Variants in IRX6 observed in about 807,000 individuals in gnomAD.
IRX6 encodes iroquois-class homeodomain protein IRX-6.
A neutral mutation model predicts 47.7 loss-of-function variants in IRX6; 46 were observed. That is an observed-to-expected ratio of 0.96 (90% CI 0.76 to 1.23). The LOEUF is 1.23. Ranked by LOEUF, IRX6 falls within the 50% of genes most tolerant of loss-of-function variation. The probability of loss-of-function intolerance (pLI) is 0.00; values close to 1 mark genes in which losing one functional copy is unlikely to be tolerated. For synonymous variants in IRX6, 265 were observed against 246.2 expected, an observed-to-expected ratio of 1.08 and a Z score of -0.72; for missense variants, 722 against 588.0, an observed-to-expected ratio of 1.23 and a Z score of -2.36.
rs760302933 is a variant in IRX6 at position 55,326,554 on chromosome 16, G to C, written c.264G>C (p.Leu88=). Residue 88 remains leucine (L), a synonymous_variant, in exon 2 of 6, where the codon CTG becomes CTC. Coordinates refer to ENST00000290552, the MANE Select transcript of IRX6 (RefSeq NM_024335.3). The stretch of plus-strand genomic sequence containing the variant: ...CTGCCCAGAGCTACCCTGGCTACCT[G>C]CCCTATAGCCCAGAGCCCCCCTCAC... ...AAAAQSYPGY[L]PYSPEPPSLY... 4 of 1,575,816 alleles carry C rather than the reference G, an allele frequency of 2.5e-6. No homozygotes were observed. The African/African-American group carries it at 5.4e-5, about 21-fold the overall frequency.
At chr16:55,329,345 T>A in intron 5 of IRX6, 34 bp downstream of exon 5, 1 of 1,560,778 alleles carries the variant, frequency 6.4e-7, no homozygotes, top group Non-Finnish European at 8.7e-7. Context: ...GGAGTATCTA[T>A]GCAAAAGACA....
chr16:55,327,943 G>A, intron 4 of IRX6, 50 bp downstream of exon 4: 3 of 1,534,600 alleles, frequency 2.0e-6, no homozygotes, highest in Middle Eastern at 2.4e-4. Flanking sequence ...AAGTCATCAA[G>A]CAGTTTGGTC....
In IRX6 at chr16:55,328,809, A is replaced by T; in HGVS notation, c.831A>T (p.Thr277=). The T allele has an allele frequency of 6.2e-7, 1 of 1,613,216 alleles. No individual in the cohort carries two copies. Among genetic ancestry groups the T allele is most frequent in the Non-Finnish European group, 8.5e-7 (1 of 1,180,010 alleles). ...EEAEDEEVVA[T]AGDRLTEFRK... is the part of the protein sequence containing the mutation. ...CTGAAGACGAGGAGGTAGTGGCCAC[A>T]GCTGGGGACAGGCTGACGGAGTTCC... Residue 277 remains threonine (T), a synonymous_variant, in exon 5 of 6, where the codon ACA becomes ACT. Transcript: ENST00000290552.
Position 55,325,559 on chromosome 16 carries a change from GAGAA to G in IRX6, c.45+431_45+434del, listed in dbSNP as rs1567338603. Among the ~76,000 whole-genome samples the G allele has an allele frequency of 4.0e-4, 37 of 92,004 alleles. 7 individuals carry two copies. Among genetic ancestry groups the G allele is most frequent in the African/African-American group, 1.4e-3 (30 of 21,836 alleles). The allele number at this position is 92,004 out of a possible 152,430, so 60.4% of individuals were successfully genotyped here. A position where few individuals can be genotyped will look rare whatever the true frequency, so the allele number is the denominator to read the frequency against. On this transcript the variant is annotated intron_variant, in intron 1 of 5. Coordinates refer to ENST00000290552, the MANE Select transcript of IRX6 (RefSeq NM_024335.3). The stretch of plus-strand genomic sequence containing the variant: ...AGAGAGAGAGAGAGAGAGAGAGAGA[GAGAA>G]AGAAAGAGAAAGAAAGAAAGAAGGA...
rs1285968441 is a variant in IRX6 at position 55,326,406 on chromosome 16, C to G, written c.116C>G (p.Ser39Ter). 6.2e-7 allele frequency: 1 copy of G among 1,614,052 alleles called. No individual in the cohort carries two copies. The highest frequency in any genetic ancestry group is 1.7e-5 in the Admixed American group (1 of 60,024). The change falls in exon 2 of 6, where the codon TCA (serine) becomes TGA (stop). Residue 39 changes from serine to a stop codon, truncating the protein, a stop_gained. Transcript: ENST00000290552. LOFTEE classifies it high-confidence loss of function. Reference protein sequence around the residue: ...STQRSVSDVASGSTPAPALCC... With the variant: ...STQRSVSDVA Reference sequence around the variant, plus strand: ...CAACGCTCTGTCTCAGATGTGGCATCAGGCTCCACCCCAGCGCCCGCTCTC... The same window carrying G: ...CAACGCTCTGTCTCAGATGTGGCATGAGGCTCCACCCCAGCGCCCGCTCTC...
chr16:55,330,534 A>T lies in IRX6; in HGVS notation c.*229A>T. The T allele has an allele frequency of 1.7e-6, 1 of 581,280 alleles. No homozygotes were observed. The highest frequency in any genetic ancestry group is 2.1e-5 in the South Asian group (1 of 48,664). The allele number at this position is 581,280 out of a possible 1,614,324, so 36.0% of individuals were successfully genotyped here. A position where few individuals can be genotyped will look rare whatever the true frequency, so the allele number is the denominator to read the frequency against. ...GGGAGATGGCAGGGCACCTTGGGGA[A>T]GGCCAAGTGGGAGGCTGGGAGGCTG... On this transcript the variant is annotated 3_prime_UTR_variant, in exon 6 of 6. Transcript: ENST00000290552.
chr16:55,328,860 G>A lies in IRX6; in HGVS notation c.882G>A (p.Gly294=), dbSNP rs1364534419. 7 of 1,612,902 alleles carry A rather than the reference G, an allele frequency of 4.3e-6. No homozygotes were observed. The highest frequency in any genetic ancestry group is 1.6e-4 in the Middle Eastern group (1 of 6,062). The part of the protein sequence containing the change: ...EFRKGAQSLP[G]PCAAAREGRL... ...GAAAGGGCGCGCAGTCACTGCCTGG[G>A]CCGTGCGCTGCAGCTCGAGAGGGCC... The change falls in exon 5 of 6, where the codon GGG becomes GGA. Residue 294 remains glycine (G), a synonymous_variant. Coordinates refer to ENST00000290552, the MANE Select transcript of IRX6 (RefSeq NM_024335.3).
Position 55,324,968 on chromosome 16 carries a change from G to A in IRX6, c.-124G>A. 4 of 1,039,784 alleles carry A rather than the reference G, an allele frequency of 3.8e-6. No homozygotes were observed. Among genetic ancestry groups the A allele is most frequent in the Non-Finnish European group, 5.8e-6 (4 of 684,330 alleles). The allele number at this position is 1,039,784 out of a possible 1,614,324, so 64.4% of individuals were successfully genotyped here. A position where few individuals can be genotyped will look rare whatever the true frequency, so the allele number is the denominator to read the frequency against. On this transcript the variant is annotated 5_prime_UTR_variant, in exon 1 of 6. Transcript: ENST00000290552. This position sits in a 1 kb window ranked among gnomAD's most constrained non-coding sequence, Gnocchi z 4.4. ...CTCCACTGGGGCCAACCAGGCGAAG[G>A]AACCGGCGCTGGGCATCCGCAGCGG...
Position 55,329,184 on chromosome 16 carries a change from G to C in IRX6, c.1206G>C (p.Glu402Asp). ...LSVPRDSACD[E>D]SSCIPKAFGN... is the part of the protein sequence containing the mutation. ...TCCCCAGAGACTCCGCGTGCGACGA[G>C]TCTTCCTGCATACCCAAAGCCTTTG... Residue 402 changes from glutamate (E) to aspartate (D), a missense_variant, in exon 5 of 6, where the codon GAG becomes GAC. Transcript: ENST00000290552. The C allele has an allele frequency of 6.2e-7, 1 of 1,614,162 alleles. No individual in the cohort carries two copies. Among genetic ancestry groups the C allele is most frequent in the Non-Finnish European group, 8.5e-7 (1 of 1,180,042 alleles).
chr16:55,329,690 G>A (rs1451438914), intron 5 of IRX6, among the ~76,000 whole-genome samples: 2 of 61,790 alleles, frequency 3.2e-5, no homozygotes, highest in Non-Finnish European at 7.1e-5. Context: ...GAGGAGACTC[G>A]CTGGTCCCTG....
In IRX6 at chr16:55,327,761, T is replaced by G; in HGVS notation, c.589T>G (p.Phe197Val). 6.2e-7 allele frequency: 1 copy of G among 1,612,400 alleles called. No homozygotes were observed. The highest frequency in any genetic ancestry group is 8.5e-7 in the Non-Finnish European group (1 of 1,179,908). Residue 197 changes from phenylalanine (F) to valine (V), a missense_variant, in exon 4 of 6, where the codon TTC becomes GTC. Physicochemically the swap from Phe to Val is conservative, Grantham distance 50. Coordinates refer to ENST00000290552, the MANE Select transcript of IRX6 (RefSeq NM_024335.3). ...GACCCTCACCCAGGTGTCCACCTGG[T>G]TCGCCAACGCACGCCGGCGCCTCAA... ...KMTLTQVSTW[F>V]ANARRRLKKE...
At position 55,330,493 on chromosome 16, in the gene IRX6, C is replaced by T. The variant is rs1250799498; in HGVS notation, c.*188C>T. 2 of 631,984 alleles carry T rather than the reference C, an allele frequency of 3.2e-6. No homozygotes were observed. Among genetic ancestry groups the T allele is most frequent in the African/African-American group, 3.7e-5 (2 of 54,596 alleles). The allele number at this position is 631,984 out of a possible 1,614,324, so 39.1% of individuals were successfully genotyped here. Reference sequence around the variant, plus strand: ...AGCTGGGGTGGTGGGCCGACTTGAACCTTAGCAGTCCCCACGGGAGATGGC... The same window carrying T: ...AGCTGGGGTGGTGGGCCGACTTGAATCTTAGCAGTCCCCACGGGAGATGGC... On this transcript the variant is annotated 3_prime_UTR_variant, in exon 6 of 6. Coordinates refer to ENST00000290552, the MANE Select transcript of IRX6 (RefSeq NM_024335.3).
chr16:55,327,450 TC>T, intron 3 of IRX6, 45 bp downstream of exon 3: 1 of 1,571,888 alleles, frequency 6.4e-7, no homozygotes, highest in Non-Finnish European at 8.8e-7. Context: ...GAGTCTTTCC[TC>T]CCCCACTGCC....
In IRX6 at chr16:55,329,776, C is replaced by T. The variant is rs574137839; in HGVS notation, c.1333+465C>T. Reference sequence around the variant, plus strand: ...GAGAAGTCTAAGACTGTGGGCCAGACGCACACCACAGATTTAAGGTCAGTG... The same window carrying T: ...GAGAAGTCTAAGACTGTGGGCCAGATGCACACCACAGATTTAAGGTCAGTG... On this transcript the variant is annotated intron_variant, in intron 5 of 5. Transcript: ENST00000290552. 1.1e-4 allele frequency among the ~76,000 whole-genome samples: 16 copies of T among 152,340 alleles called. No homozygotes were observed. The East Asian group carries it at 2.5e-3, about 24-fold the overall frequency.
At position 55,327,459 on chromosome 16, in the gene IRX6, G is replaced by A. The variant is rs1960552124; in HGVS notation, c.413+54G>A. On this transcript the variant is annotated intron_variant, in intron 3 of 5. Coordinates refer to ENST00000290552, the MANE Select transcript of IRX6 (RefSeq NM_024335.3). ...CACTGTGAGTCTTTCCTCCCCCACTGCCAAGGTAGGGTGGATGGCGGCAGG... is the reference window on the plus strand; with the variant it reads ...CACTGTGAGTCTTTCCTCCCCCACTACCAAGGTAGGGTGGATGGCGGCAGG... 9.5e-6 allele frequency: 15 copies of A among 1,572,932 alleles called. No individual in the cohort carries two copies. The South Asian group carries it at 1.7e-4, about 17-fold the overall frequency.
intron 5 of IRX6, among the ~76,000 whole-genome samples, chr16:55,329,987 T>C (rs1960614847): frequency 6.6e-6 from 1 of 152,206 alleles, no homozygotes; most frequent in African/African-American, 2.4e-5. Context: ...GCTGGTTCTT[T>C]CACTGTGTTA....
rs1390736460 is a variant in IRX6 at position 55,325,153 on chromosome 16, TG to T, written c.45+22del. ...GCTTCCCAGGTAAGAGGCGCCTCTA[TG>T]GGGGATAGGGGACAGACTGGGTGGA... On this transcript the variant is annotated intron_variant, in intron 1 of 5. Coordinates refer to ENST00000290552, the MANE Select transcript of IRX6 (RefSeq NM_024335.3). The T allele has an allele frequency of 1.2e-6, 2 of 1,613,000 alleles. No homozygotes were observed. The highest frequency in any genetic ancestry group is 2.2e-5 in the South Asian group (2 of 91,052).
At position 55,328,671 on chromosome 16, in the gene IRX6, T is replaced by C. The variant is rs772201299; in HGVS notation, c.722-29T>C. ...TCGGATTTCCCTTGGGCCCTGGGGC[T>C]TTTCTCACTCGCTCTTGATTTCCTG... On this transcript the variant is annotated intron_variant, in intron 4 of 5. Coordinates refer to ENST00000290552, the MANE Select transcript of IRX6 (RefSeq NM_024335.3). 6 of 1,607,570 alleles carry C rather than the reference T, an allele frequency of 3.7e-6. No individual in the cohort carries two copies. In the Admixed American group the frequency reaches 6.7e-5, roughly 18 times the overall value.
In IRX6 at chr16:55,327,394, C is replaced by A; in HGVS notation, c.402C>A (p.Tyr134Ter). ...CCTATGAGCGGACTCTGGGGCAGTA[C>A]CAATATGAACGGTAAGGAGTGAAGG... ...YYPYERTLGQ[Y>*]QYERYGAVEL... The change falls in exon 3 of 6, where the codon TAC becomes TAA. Residue 134 changes from tyrosine (Y) to a stop codon, truncating the protein, a stop_gained. Transcript: ENST00000290552. LOFTEE classifies it high-confidence loss of function. 1 of 1,612,378 alleles carries A rather than the reference C, an allele frequency of 6.2e-7. No homozygotes were observed.
Sources: allele counts gnomAD v4.1 joint callset (sites outside exome capture counted in the v4.1 genomes callset), GRCh38; gene constraint gnomAD v4.1.1; non-coding constraint Gnocchi (gnomAD v3.1); transcripts MANE v1.5; gene names NCBI Gene and HGNC (gene_info 2026-07-23, HGNC 2026-07-21).